The following ABCB1 variants were observed in gnomAD, a reference collection of about 807,000 sequenced individuals.
ABCB1 encodes ATP binding cassette subfamily B member 1, also known as ATP-dependent translocase ABCB1.
A neutral mutation model predicts 142.0 loss-of-function variants in ABCB1; 69 were observed. That is an observed-to-expected ratio of 0.49 (90% CI 0.40 to 0.59). The LOEUF is 0.59. ABCB1 is among the 20% of genes least tolerant of loss of function. The pLI, the probability that ABCB1 is intolerant of heterozygous loss-of-function variation, is 0.00. For synonymous variants in ABCB1, 532 were observed against 539.2 expected (o/e 0.99, Z 0.18); for missense variants, 1,326 against 1,554.7 (o/e 0.85, Z 2.47).
intron 1 of ABCB1, among the ~76,000 whole-genome samples, chr7:87,632,467 T>C (rs1454173089): frequency 1.3e-5 from 2 of 152,234 alleles, no homozygotes; most frequent in African/African-American, 4.8e-5. Context: ...AGATAAGTAC[T>C]GTTTTTTCAT....
chr7:87,541,486 AT>A (rs755160534), intron 17 of ABCB1, 22 bp from the exon 18 acceptor site: 3 of 1,516,312 alleles, frequency 2.0e-6, no homozygotes, highest in Middle Eastern at 1.7e-4. Flanking sequence ...CATTTAAAGG[AT>A]TTTTAGTTCA....
chr7:87,566,036 C>G, intron 7 of ABCB1, 34 bp downstream of exon 7: 1 of 1,611,748 alleles, frequency 6.2e-7, no homozygotes, highest in Non-Finnish European at 8.5e-7. Flanking sequence ...GGAGAAGGTG[C>G]AGTTCAAAAT....
upstream of ABCB1, among the ~76,000 whole-genome samples, chr7:87,602,420 C>A (rs1819498094): frequency 6.8e-6 from 1 of 147,922 alleles, no homozygotes; most frequent in African/African-American, 2.5e-5. Context: ...GGCTTAACAA[C>A]AACCCTGTGG....
chr7:87,708,980 C>T (rs1438490488), intron 1 of ABCB1, among the ~76,000 whole-genome samples: 4 of 152,160 alleles, frequency 2.6e-5, no homozygotes, highest in African/African-American at 9.6e-5. Flanking sequence ...CTGAAAACAT[C>T]TAAATTCCTT....
At chr7:87,607,475 T>C (rs929420404) in intron 1 of ABCB1, among the ~76,000 whole-genome samples, 4 of 152,212 alleles carry the variant, frequency 2.6e-5, no homozygotes, top group African/African-American at 9.6e-5. Flanking sequence ...TTTGACACTT[T>C]ATAGCTTATC....
chr7:87,696,625 T>G (rs891937290), intron 1 of ABCB1, among the ~76,000 whole-genome samples: 1 of 152,074 alleles, frequency 6.6e-6, no homozygotes, highest in Non-Finnish European at 1.5e-5. Flanking sequence ...ATGTGAAAAA[T>G]TCAGTGTCTT....
At chr7:87,541,574 C>T (rs911452405) in intron 17 of ABCB1, 110 bp from the exon 18 acceptor site, 31 of 795,662 alleles carry the variant, frequency 3.9e-5, no homozygotes, top group Admixed American at 1.5e-4. Flanking sequence ...AGCCTTAGTA[C>T]GCTGGAAATT....
At chr7:87,609,804 A>G (rs962357305) in intron 1 of ABCB1, among the ~76,000 whole-genome samples, 1 of 152,146 alleles carries the variant, frequency 6.6e-6, no homozygotes, top group African/African-American at 2.4e-5. Context: ...CAAGTATCAG[A>G]TACCAAAGCT....
At chr7:87,568,585 T>C (rs1480280639) in intron 5 of ABCB1, among the ~76,000 whole-genome samples, 1 of 152,156 alleles carries the variant, frequency 6.6e-6, no homozygotes, top group East Asian at 1.9e-4. Flanking sequence ...GCTATAAAGA[T>C]GGCTAGGTAA....
chr7:87,626,375 ATG>A lies in ABCB1; in HGVS notation c.-330-25299_-330-25298del, dbSNP rs1472657641. Among the ~76,000 whole-genome samples, 8 of 26,990 alleles carry A rather than the reference ATG, an allele frequency of 3.0e-4. 1 individual carries two copies. Among genetic ancestry groups the A allele is most frequent in the African/African-American group, 1.2e-3 (3 of 2,478 alleles). The allele number at this position is 26,990 out of a possible 152,430, so 17.7% of individuals were successfully genotyped here. A position where few individuals can be genotyped will look rare whatever the true frequency, so the allele number is the denominator to read the frequency against. ...TATATGTGTCATATATATGTGTCAT[ATG>A]TATGTGTCATATATATGTGTCATAT... On this transcript the variant is annotated intron_variant, in intron 1 of 28. Transcript: ENST00000265724.
intron 21 of ABCB1, among the ~76,000 whole-genome samples, chr7:87,527,513 G>A (rs1815839322): frequency 6.6e-6 from 1 of 152,148 alleles, no homozygotes; most frequent in South Asian, 2.1e-4. Context: ...TCTATAGTAT[G>A]TATCAAGCAG....
rs1295245429 is a variant in ABCB1, at chr7:87,566,881, T to C, written c.434A>G (p.His145Arg). Residue 145 changes from histidine (H) to arginine (R), a missense_variant, in exon 6 of 28, where the codon CAC (histidine) becomes CGC (arginine). Coordinates refer to ENST00000622132, the MANE Select transcript of ABCB1 (RefSeq NM_001348946.2). ...ATGAAAAAACTGTTTTCTAATTTTG[T>C]GTATTTGTCTTCCAGCTGCCAGGCA... ...FWCLAAGRQI[H>R]KIRKQFFHAI... 1.2e-6 allele frequency: 2 copies of C among 1,614,076 alleles called. No individual in the cohort carries two copies. The highest frequency in any genetic ancestry group is 2.2e-5 in the East Asian group (1 of 44,896).
chr7:87,545,078 T>C, intron 15 of ABCB1, 79 bp from the exon 16 acceptor site: 1 of 1,371,340 alleles, frequency 7.3e-7, no homozygotes, highest in South Asian at 1.2e-5. Context: ...ATGTCAGCTA[T>C]CAAGGAAAAC....
intron 21 of ABCB1, among the ~76,000 whole-genome samples, chr7:87,529,069 G>A (rs1815919776): frequency 6.6e-6 from 1 of 152,118 alleles, no homozygotes; most frequent in South Asian, 2.1e-4. Flanking sequence ...TTTAAGTAAG[G>A]GTTGGCATTA....
chr7:87,544,035 T>G, intron 17 of ABCB1, 94 bp downstream of exon 17: 1 of 1,467,836 alleles, frequency 6.8e-7, no homozygotes, highest in Admixed American at 1.7e-5. Flanking sequence ...TGGATTTTGT[T>G]GTTTTTGTAT....
At chr7:87,565,640 T>TAA (rs28381850) in intron 7 of ABCB1, among the ~76,000 whole-genome samples, 1 of 150,974 alleles carries the variant, frequency 6.6e-6, no homozygotes, top group Non-Finnish European at 1.5e-5. Flanking sequence ...AACATTAAAG[T>TAA]AAAAAAAAAT....
intron 26 of ABCB1, among the ~76,000 whole-genome samples, chr7:87,508,511 T>C (rs1044133372): frequency 6.6e-6 from 1 of 152,190 alleles, no homozygotes; most frequent in Admixed American, 6.5e-5. Context: ...ACACAGGACC[T>C]AAGAGGGCTT....
intron 8 of ABCB1, among the ~76,000 whole-genome samples, chr7:87,558,440 C>A (rs564459080): frequency 1.3e-5 from 2 of 152,230 alleles, no homozygotes; most frequent in South Asian, 2.1e-4. Flanking sequence ...ACTGGAATTT[C>A]TGTGTAGACA....
intron 4 of ABCB1, among the ~76,000 whole-genome samples, chr7:87,574,027 TGAGAA>T (rs927992021): frequency 2.0e-5 from 3 of 152,140 alleles, no homozygotes; most frequent in Non-Finnish European, 4.4e-5. Flanking sequence ...TTCCACATGC[TGAGAA>T]GAAAATAAGT....
Sources: gnomAD v4.1 joint callset for allele counts (sites outside exome capture counted in the v4.1 genomes callset) on GRCh38, gnomAD v4.1.1 for gene constraint, MANE v1.5 for transcripts, NCBI Gene and HGNC (gene_info 2026-07-23, HGNC 2026-07-21) for gene names.